The following FAM161A variants were observed in gnomAD, a reference collection of about 807,000 sequenced individuals.
The protein encoded by FAM161A is FAM161 centrosomal protein A.
FAM161A carries 57 observed loss-of-function variants against 70.9 expected under a neutral mutation model. The observed-to-expected ratio is 0.80, with a 90% CI of 0.65 to 1.00. The LOEUF (loss-of-function observed/expected upper bound fraction) is 1.00. Ranked by LOEUF, FAM161A falls within the 50% of genes least tolerant of loss-of-function variation. The probability of loss-of-function intolerance (pLI) is 0.00; values close to 1 mark genes in which losing one functional copy is unlikely to be tolerated. For missense variants in FAM161A, 880 were observed against 836.0 expected, an observed-to-expected ratio of 1.05 and a Z score of -0.65; for synonymous variants, 299 against 295.7, an observed-to-expected ratio of 1.01 and a Z score of -0.12.
chr2:61,820,919 A>C (rs1672189345), downstream of FAM161A, among the ~76,000 whole-genome samples: 1 of 152,238 alleles, frequency 6.6e-6, no homozygotes, highest in Non-Finnish European at 1.5e-5. Flanking sequence ...AAAAGGAAGA[A>C]ACAAAAAGAA....
chr2:61,851,031 C>T (rs776178103), intron 1 of FAM161A, among the ~76,000 whole-genome samples: 11 of 152,054 alleles, frequency 7.2e-5, no homozygotes, highest in Admixed American at 1.3e-4. Flanking sequence ...TGTGCCACCA[C>T]GCCCGGCTAA....
the FAM161A span, among the ~76,000 whole-genome samples, chr2:61,805,717 C>T: frequency 6.6e-6 from 1 of 152,120 alleles, no homozygotes; most frequent in East Asian, 1.9e-4. Context: ...AGGCACAGGT[C>T]CCTGCCCTCA....
chr2:61,830,291 T>G (rs187216989), intron 5 of FAM161A, among the ~76,000 whole-genome samples: 2 of 152,174 alleles, frequency 1.3e-5, no homozygotes, highest in Admixed American at 6.5e-5. Flanking sequence ...CCAAGGATGG[T>G]GAAGGGCAGA....
chr2:61,842,708 G>A (rs1224219983), intron 1 of FAM161A, among the ~76,000 whole-genome samples: 7 of 152,208 alleles, frequency 4.6e-5, no homozygotes, highest in Non-Finnish European at 1.0e-4. Flanking sequence ...TGAGTTGTAA[G>A]TTTTAACTGA....
chr2:61,845,709 C>T (rs1164741808), intron 1 of FAM161A, among the ~76,000 whole-genome samples: 4 of 151,794 alleles, frequency 2.6e-5, no homozygotes, highest in African/African-American at 9.7e-5. Context: ...GTGGGAGGAT[C>T]ACTTGAGCCC....
chr2:61,846,116 T>C (rs1489545645), intron 1 of FAM161A, among the ~76,000 whole-genome samples: 46 of 124,956 alleles, frequency 3.7e-4, no homozygotes, highest in Middle Eastern at 8.5e-3. Context: ...AAAAAAAGAA[T>C]GGAGAAATCT....
chr2:61,811,548 A>G, the FAM161A span, among the ~76,000 whole-genome samples: 1 of 151,930 alleles, frequency 6.6e-6, no homozygotes, highest in Non-Finnish European at 1.5e-5. Context: ...TAATTTTCGT[A>G]TTTTTAGTAG....
the FAM161A span, among the ~76,000 whole-genome samples, chr2:61,805,227 T>C: frequency 6.6e-6 from 1 of 152,210 alleles, no homozygotes. Flanking sequence ...AGCCTCCATG[T>C]ATTGATTTAT....
intron 2 of FAM161A, 41 bp from the exon 3 acceptor site, chr2:61,840,622 G>T: frequency 2.2e-6 from 3 of 1,375,628 alleles, no homozygotes; most frequent in East Asian, 4.6e-5. Context: ...TCAGTTGTAT[G>T]TGACCAAATA....
At chr2:61,843,281 C>T (rs1673087646) in intron 1 of FAM161A, among the ~76,000 whole-genome samples, 1 of 152,172 alleles carries the variant, frequency 6.6e-6, no homozygotes, top group Admixed American at 6.5e-5. Context: ...GCGCACACCA[C>T]CACACCCAGC....
At chr2:61,804,768 G>GAAAAAGAAAGAAAGAA in the FAM161A span, among the ~76,000 whole-genome samples, 41 of 119,038 alleles carry the variant, frequency 3.4e-4, 2 homozygotes, top group South Asian at 0.013. Flanking sequence ...GAAAAAGAAA[G>GAAAAAGAAAGAAAGAA]AGAAAGAAAG....
intron 4 of FAM161A, 46 bp from the exon 5 acceptor site, chr2:61,836,155 A>C: frequency 7.6e-7 from 1 of 1,323,436 alleles, no homozygotes; most frequent in Non-Finnish European, 1.1e-6. Context: ...TCATCTAAGA[A>C]ATAAGAACTT....
chr2:61,814,137 G>C, the FAM161A span, among the ~76,000 whole-genome samples: 1 of 152,186 alleles, frequency 6.6e-6, no homozygotes, highest in Non-Finnish European at 1.5e-5. Context: ...AGGAGCATGA[G>C]GTTTGTGGGT....
intron 3 of FAM161A, among the ~76,000 whole-genome samples, chr2:61,838,922 G>A (rs960018948): frequency 2.0e-5 from 3 of 146,560 alleles, no homozygotes; most frequent in African/African-American, 7.7e-5. Context: ...TCGCTCTGTC[G>A]CCCAGGCTGG....
intron 1 of FAM161A, among the ~76,000 whole-genome samples, chr2:61,847,913 A>G (rs1194573857): frequency 6.6e-6 from 1 of 152,222 alleles, no homozygotes; most frequent in Admixed American, 6.5e-5. Context: ...TACAGAAAAA[A>G]AAAATTCCAC....
rs752889787 is a variant in FAM161A, at chr2:61,838,662, G to C, written c.1627C>G (p.Arg543Gly). 2.5e-6 allele frequency: 4 copies of C among 1,608,834 alleles called. No individual in the cohort carries two copies. Among genetic ancestry groups the C allele is most frequent in the Non-Finnish European group, 3.4e-6 (4 of 1,178,182 alleles). Residue 543 changes from arginine (R) to glycine (G), a missense_variant, in exon 4 of 7, where the codon CGG (arginine) becomes GGG (glycine). Physicochemically the swap from Arg to Gly is moderately radical, Grantham distance 125. Transcript: ENST00000404929. ...CTTTGCTTCTGTTTAGTTAGGATCC[G>C]ATTTCTCTCTTCTTCCAACATTTTC... is the stretch of plus-strand genomic sequence containing the variant. ...EKKMLEEERN[R>G]ILTKQKQRMK...
downstream of FAM161A, among the ~76,000 whole-genome samples, chr2:61,823,011 G>A (rs772302554): frequency 6.6e-6 from 1 of 151,878 alleles, no homozygotes; most frequent in Non-Finnish European, 1.5e-5. Flanking sequence ...TTAAAGGCAT[G>A]CTTATTTGTT....
intron 1 of FAM161A, among the ~76,000 whole-genome samples, chr2:61,842,731 C>T (rs1673065182): frequency 6.6e-6 from 1 of 152,206 alleles, no homozygotes; most frequent in African/African-American, 2.4e-5. Context: ...TGAAGAGGAA[C>T]ACGGTTCTAC....
chr2:61,821,733 A>T (rs546276404), downstream of FAM161A, among the ~76,000 whole-genome samples: 1 of 152,154 alleles, frequency 6.6e-6, no homozygotes, highest in Non-Finnish European at 1.5e-5. Context: ...CATCTGTCAG[A>T]AATCTGGTCA....
Sources: allele counts gnomAD v4.1 joint callset (sites outside exome capture counted in the v4.1 genomes callset), GRCh38; gene constraint gnomAD v4.1.1; transcripts MANE v1.5; gene names NCBI Gene and HGNC (gene_info 2026-07-23, HGNC 2026-07-21).